PARM1: variants seen among roughly 807,000 people sequenced by gnomAD.
PARM1 encodes the protein WSC4, cell wall integrity and stress response component 4 homolog.
Under a neutral mutation model 24.6 loss-of-function variants are expected in PARM1, and 14 were observed. That is an observed-to-expected ratio of 0.57 (90% CI 0.38 to 0.89). The LOEUF is 0.89. PARM1 is among the 40% of genes least tolerant of loss of function. The probability of loss-of-function intolerance (pLI) is 0.00; values close to 1 mark genes in which losing one functional copy is unlikely to be tolerated. For missense variants in PARM1, 362 were observed against 380.4 expected, an observed-to-expected ratio of 0.95 and a Z score of 0.40; for synonymous variants, 179 against 156.6, an observed-to-expected ratio of 1.14 and a Z score of -1.07.
At chr4:75,028,785 C>G (rs1723227018) in intron 2 of PARM1, among the ~76,000 whole-genome samples, 1 of 152,182 alleles carries the variant, frequency 6.6e-6, no homozygotes, top group South Asian at 2.1e-4. Context: ...AAGAGCCCAG[C>G]AAAGTTATTT....
chr4:74,982,607 T>C (rs1482446715), intron 1 of PARM1, among the ~76,000 whole-genome samples: 4 of 152,188 alleles, frequency 2.6e-5, no homozygotes, highest in Admixed American at 1.3e-4. Flanking sequence ...ATCTTTAAAA[T>C]GAAGTCAGTG....
At chr4:74,955,832 G>C (rs1488785939) in intron 1 of PARM1, 1 of 152,108 alleles carries the variant, frequency 6.6e-6, no homozygotes, top group East Asian at 1.9e-4. Flanking sequence ...TTCCTGGTCT[G>C]GTGCTTTTTC....
chr4:74,933,620 G>A (rs1489637065), intron 1 of PARM1, among the ~76,000 whole-genome samples: 1 of 152,226 alleles, frequency 6.6e-6, no homozygotes, highest in Non-Finnish European at 1.5e-5. Flanking sequence ...TTGTAGAACA[G>A]GTGGCTGTCT....
intron 1 of PARM1, among the ~76,000 whole-genome samples, chr4:74,937,189 G>C (rs1011779604): frequency 5.3e-5 from 8 of 152,226 alleles, no homozygotes; most frequent in African/African-American, 1.9e-4. Flanking sequence ...TGTCAGCTTA[G>C]TAGCCTTATC....
chr4:75,012,277 G>C, intron 1 of PARM1, 148 bp from the exon 2 acceptor site: 1 of 771,894 alleles, frequency 1.3e-6, no homozygotes, highest in Non-Finnish European at 2.0e-6. Context: ...TCCATTAAAA[G>C]TTGCCTTCAC....
At chr4:74,973,732 G>A (rs1017381649) in intron 1 of PARM1, among the ~76,000 whole-genome samples, 1 of 152,128 alleles carries the variant, frequency 6.6e-6, no homozygotes, top group Non-Finnish European at 1.5e-5. Flanking sequence ...GATTCTGGCT[G>A]TCTCCTCTCT....
chr4:74,942,363 A>C (rs1466559144), intron 1 of PARM1, among the ~76,000 whole-genome samples: 7 of 152,132 alleles, frequency 4.6e-5, no homozygotes, highest in Non-Finnish European at 1.5e-5. Flanking sequence ...CAATGACAAA[A>C]CTCTACCCTC....
chr4:75,022,092 C>T (rs1284394917), intron 2 of PARM1, among the ~76,000 whole-genome samples: 2 of 152,196 alleles, frequency 1.3e-5, no homozygotes, highest in African/African-American at 4.8e-5. Flanking sequence ...TATAAGCATT[C>T]CCTTTTCTCT....
chr4:75,037,436 G>A (rs1189676385), intron 3 of PARM1, among the ~76,000 whole-genome samples: 1 of 152,192 alleles, frequency 6.6e-6, no homozygotes, highest in Non-Finnish European at 1.5e-5. Flanking sequence ...CTAACAATGG[G>A]TGGGGACTTT....
At chr4:75,000,402 G>T (rs1722655341) in intron 1 of PARM1, among the ~76,000 whole-genome samples, 1 of 152,112 alleles carries the variant, frequency 6.6e-6, no homozygotes, top group East Asian at 1.9e-4. Flanking sequence ...GGCATCCTAG[G>T]CCTGGCCTGG....
intron 1 of PARM1, among the ~76,000 whole-genome samples, chr4:74,952,755 G>T (rs114696518): frequency 0.012 from 1,812 of 152,276 alleles, 30 homozygotes; most frequent in African/African-American, 0.041. Flanking sequence ...GAAAAACATA[G>T]AAAATGTGAC....
At chr4:75,017,517 C>T (rs1560793522) in intron 2 of PARM1, among the ~76,000 whole-genome samples, 1 of 152,210 alleles carries the variant, frequency 6.6e-6, no homozygotes, top group Non-Finnish European at 1.5e-5. Flanking sequence ...CCTCTCACCT[C>T]CTCAGCAAGC....
chr4:74,936,911 C>T (rs1293561220), intron 1 of PARM1, among the ~76,000 whole-genome samples: 3 of 152,112 alleles, frequency 2.0e-5, no homozygotes, highest in African/African-American at 4.8e-5. Flanking sequence ...CTATTTCTAC[C>T]GCCCTGGGTC....
At chr4:75,029,011 T>C (rs1033413035) in intron 2 of PARM1, among the ~76,000 whole-genome samples, 4 of 152,280 alleles carry the variant, frequency 2.6e-5, no homozygotes, top group Non-Finnish European at 5.9e-5. Flanking sequence ...AGGACCCTTT[T>C]GGTCAAGTGA....
At position 75,046,017 on chromosome 4, in the gene PARM1, G is replaced by C. The variant is rs1247039284; in HGVS notation, c.849-146G>C. The stretch of plus-strand genomic sequence containing the variant: ...TTTGGTAGACCGGGGCCTCCACGGT[G>C]GGTGGGTCTGCTGTCCTAGTGAGAG... On this transcript the variant is annotated intron_variant, in intron 3 of 3. Transcript: ENST00000307428. 6 of 584,826 alleles carry C rather than the reference G, an allele frequency of 1.0e-5. No homozygotes were observed. In the East Asian group the frequency reaches 1.8e-4, roughly 17 times the overall value. The allele number at this position is 584,826 out of a possible 1,614,324, so 36.2% of individuals were successfully genotyped here.
intron 1 of PARM1, among the ~76,000 whole-genome samples, chr4:74,936,449 G>GT (rs1417414604): frequency 2.8e-5 from 4 of 143,868 alleles, no homozygotes; most frequent in Non-Finnish European, 4.5e-5. Context: ...TTTTTTTTTT[G>GT]TTTGTTTTTT....
At chr4:74,934,792 C>T (rs1721142793) in intron 1 of PARM1, among the ~76,000 whole-genome samples, 1 of 152,146 alleles carries the variant, frequency 6.6e-6, no homozygotes, top group African/African-American at 2.4e-5. Context: ...TTTACTTCTC[C>T]TCACTCAAAA....
intron 1 of PARM1, among the ~76,000 whole-genome samples, chr4:74,974,641 C>A (rs113436239): frequency 6.6e-6 from 1 of 152,138 alleles, no homozygotes; most frequent in African/African-American, 2.4e-5. Flanking sequence ...TGTGACCTCC[C>A]AAACTTTGGC....
chr4:74,957,707 A>G (rs962183133), intron 1 of PARM1, among the ~76,000 whole-genome samples: 1 of 152,158 alleles, frequency 6.6e-6, no homozygotes, highest in Non-Finnish European at 1.5e-5. Flanking sequence ...AGCTGCAGGC[A>G]GGGAATTGGG....
Sources: gnomAD v4.1 joint callset for allele counts (sites outside exome capture counted in the v4.1 genomes callset) on GRCh38, gnomAD v4.1.1 for gene constraint, MANE v1.5 for transcripts, NCBI Gene and HGNC (gene_info 2026-07-23, HGNC 2026-07-21) for gene names.